SPAG16: variants seen among roughly 807,000 people sequenced by gnomAD.
SPAG16 encodes the protein sperm associated antigen 16.
SPAG16 carries 86 observed loss-of-function variants against 80.4 expected under a neutral mutation model. The observed-to-expected ratio is 1.07, with a 90% CI of 0.90 to 1.28. The LOEUF is 1.28. Among genes scored for constraint, SPAG16 ranks in the 50% most tolerant of loss-of-function variants. The probability of loss-of-function intolerance (pLI) is 0.00; values close to 1 mark genes in which losing one functional copy is unlikely to be tolerated. For missense variants in SPAG16, 870 were observed against 765.3 expected (o/e 1.14, Z -1.61); for synonymous variants, 294 against 265.9 (o/e 1.11, Z -1.03).
chr2:213,721,797 G>A (rs1057419354), intron 10 of SPAG16, among the ~76,000 whole-genome samples: 16 of 152,124 alleles, frequency 1.1e-4, no homozygotes, highest in African/African-American at 3.9e-4. Flanking sequence ...AGGGTATAAT[G>A]CATTCATTAT....
intron 9 of SPAG16, among the ~76,000 whole-genome samples, chr2:213,376,429 C>T (rs568952342): frequency 4.4e-4 from 67 of 152,104 alleles, no homozygotes; most frequent in African/African-American, 1.5e-3. Flanking sequence ...GTGTTGCATT[C>T]TGATATTTAA....
intron 10 of SPAG16, among the ~76,000 whole-genome samples, chr2:213,844,986 A>G (rs1173074928): frequency 6.6e-6 from 1 of 152,214 alleles, no homozygotes; most frequent in Non-Finnish European, 1.5e-5. Context: ...ATTTTTCACA[A>G]TGCATATGTA....
Position 213,929,982 on chromosome 2 carries a change from A to G in SPAG16, c.1237A>G (p.Ser413Gly), listed in dbSNP as rs748900684. Residue 413 changes from serine (S) to glycine (G), a missense_variant, in exon 12 of 16, where the codon AGT (serine) becomes GGT (glycine). Ser to Gly is a moderately conservative substitution (Grantham distance 56, BLOSUM62 0). Coordinates refer to ENST00000331683, the MANE Select transcript of SPAG16 (RefSeq NM_024532.5). The part of the protein sequence containing the change: ...HPSGDKLATS[S>G]GDTTVKLWDL... ...TAGTGGCGACAAATTGGCTACTTCAAGTGGTGACACTACAGTTAAATTATG... is the reference window on the plus strand; with the variant it reads ...TAGTGGCGACAAATTGGCTACTTCAGGTGGTGACACTACAGTTAAATTATG... 15 of 1,608,882 alleles carry G rather than the reference A, an allele frequency of 9.3e-6. No individual in the cohort carries two copies. In the South Asian group the frequency reaches 1.6e-4, roughly 17 times the overall value.
intron 11 of SPAG16, among the ~76,000 whole-genome samples, chr2:213,869,871 T>C (rs1230487374): frequency 6.6e-6 from 1 of 152,176 alleles, no homozygotes; most frequent in Non-Finnish European, 1.5e-5. Flanking sequence ...TTTAATCAAC[T>C]AATGTTAAGG....
chr2:213,929,013 T>C (rs1438118003), intron 11 of SPAG16, among the ~76,000 whole-genome samples: 4 of 135,232 alleles, frequency 3.0e-5, no homozygotes, highest in African/African-American at 5.6e-5. Flanking sequence ...TTTTTTTTTT[T>C]TTTTTTTTTT....
At chr2:213,346,784 G>C (rs2065017863) in intron 6 of SPAG16, among the ~76,000 whole-genome samples, 1 of 152,006 alleles carries the variant, frequency 6.6e-6, no homozygotes, top group Admixed American at 6.6e-5. Context: ...CGGTTTGCCA[G>C]TATTTTATTG....
chr2:214,270,966 C>A (rs1691950162), intron 15 of SPAG16, among the ~76,000 whole-genome samples: 2 of 151,980 alleles, frequency 1.3e-5, no homozygotes, highest in Admixed American at 6.6e-5. Flanking sequence ...CCGAATATAC[C>A]CACTGCGCAG....
intron 15 of SPAG16, among the ~76,000 whole-genome samples, chr2:214,354,129 C>A (rs533704317): frequency 3.6e-4 from 55 of 151,702 alleles, no homozygotes; most frequent in African/African-American, 1.3e-3. Context: ...CTATGTACCC[C>A]AAAAAATTAA....
chr2:213,873,103 C>T (rs6704708), intron 11 of SPAG16, among the ~76,000 whole-genome samples: 90,229 of 151,714 alleles, frequency 0.59, 28,705 homozygotes, highest in South Asian at 0.85. Flanking sequence ...TCCCTCCTGT[C>T]CTATTTTTTG....
At chr2:213,868,994 G>C (rs1036581402) in intron 11 of SPAG16, among the ~76,000 whole-genome samples, 1 of 151,854 alleles carries the variant, frequency 6.6e-6, no homozygotes, top group Non-Finnish European at 1.5e-5. Flanking sequence ...GCTCACACCT[G>C]TAATCCCAGC....
chr2:213,817,530 C>A (rs570828127), intron 10 of SPAG16, among the ~76,000 whole-genome samples: 1 of 152,014 alleles, frequency 6.6e-6, no homozygotes, highest in Admixed American at 6.6e-5. Flanking sequence ...TATATATATA[C>A]TTTTATGTTT....
chr2:213,990,375 C>T (rs978674954), intron 12 of SPAG16, among the ~76,000 whole-genome samples: 14 of 152,064 alleles, frequency 9.2e-5, no homozygotes, highest in Admixed American at 4.6e-4. Flanking sequence ...GTTAGGGGAA[C>T]CAACTGCCCA....
At chr2:213,538,464 G>A (rs2076322213) in intron 10 of SPAG16, among the ~76,000 whole-genome samples, 1 of 152,010 alleles carries the variant, frequency 6.6e-6, no homozygotes. Context: ...AACTTTCTCT[G>A]TAATTTAAAA....
At chr2:214,163,637 TAG>T (rs34908676) in intron 15 of SPAG16, among the ~76,000 whole-genome samples, 3 of 149,028 alleles carry the variant, frequency 2.0e-5, no homozygotes, top group Admixed American at 6.8e-5. Context: ...CATATATATA[TAG>T]AGAGAGAGAG....
intron 15 of SPAG16, chr2:214,241,282 T>A (rs1689455617): frequency 6.7e-6 from 1 of 148,840 alleles, no homozygotes; most frequent in South Asian, 2.1e-4. Context: ...TGCTTGAACC[T>A]GAGAGGCGGA....
chr2:213,584,543 T>C (rs2060401420), intron 10 of SPAG16, among the ~76,000 whole-genome samples: 1 of 151,596 alleles, frequency 6.6e-6, no homozygotes, highest in South Asian at 2.1e-4. Flanking sequence ...TATTTTCTAT[T>C]CAAGAAAATG....
At chr2:213,931,907 A>C (rs1387956531) in intron 12 of SPAG16, among the ~76,000 whole-genome samples, 2 of 151,954 alleles carry the variant, frequency 1.3e-5, no homozygotes, top group African/African-American at 2.4e-5. Context: ...GTAGAAATTG[A>C]TTGTTTCTAT....
intron 10 of SPAG16, among the ~76,000 whole-genome samples, chr2:213,851,907 T>C (rs1214329149): frequency 6.6e-6 from 1 of 152,252 alleles, no homozygotes; most frequent in Non-Finnish European, 1.5e-5. Flanking sequence ...AGTCCTGCTC[T>C]GCTTTGAAGA....
At chr2:213,365,880 C>T (rs1023302373) in intron 8 of SPAG16, among the ~76,000 whole-genome samples, 9 of 151,634 alleles carry the variant, frequency 5.9e-5, no homozygotes, top group East Asian at 1.9e-4. Flanking sequence ...CGGTGGCTCA[C>T]GCCTGTAATC....
Sources: gnomAD v4.1 joint callset for allele counts (sites outside exome capture counted in the v4.1 genomes callset) on GRCh38, gnomAD v4.1.1 for gene constraint, MANE v1.5 for transcripts, NCBI Gene and HGNC (gene_info 2026-07-23, HGNC 2026-07-21) for gene names.